MYO3B: variants seen among roughly 807,000 people sequenced by gnomAD.
MYO3B encodes the protein myosin-IIIb.
Under a neutral mutation model 174.6 loss-of-function variants are expected in MYO3B, and 156 were observed. The ratio of observed to expected loss-of-function variants is 0.89; its 90% CI spans 0.78 to 1.02. MYO3B has a LOEUF of 1.02. Among genes scored for constraint, MYO3B ranks in the 50% least tolerant of loss-of-function variants. MYO3B has a pLI of 0.00. For missense variants in MYO3B, 1,632 were observed against 1,639.4 expected (o/e 1.00, Z 0.08); for synonymous variants, 563 against 569.1 (o/e 0.99, Z 0.15).
chr2:170,273,021 G>A lies in MYO3B; in HGVS notation c.749+36885G>A, dbSNP rs2093436480. 3.3e-5 allele frequency among the ~76,000 whole-genome samples: 5 copies of A among 152,080 alleles called. No homozygotes were observed. In the South Asian group the frequency reaches 8.3e-4, roughly 25 times the overall value. The stretch of plus-strand genomic sequence containing the variant: ...ATTGCTCTTTCTCCTTTTTCTTTTA[G>A]ATGGGTTGGGGTGGGGTAGTGTATA... On this transcript the variant is annotated intron_variant, in intron 7 of 34. Transcript: ENST00000408978.
intron 8 of MYO3B, among the ~76,000 whole-genome samples, chr2:170,367,772 T>C (rs1366282691): frequency 6.6e-6 from 1 of 152,208 alleles, no homozygotes; most frequent in East Asian, 1.9e-4. Context: ...TTAAAGCATA[T>C]GCACTGATTT....
At chr2:170,311,272 T>C (rs1559378213) in intron 7 of MYO3B, among the ~76,000 whole-genome samples, 1 of 152,152 alleles carries the variant, frequency 6.6e-6, no homozygotes, top group Non-Finnish European at 1.5e-5. Context: ...CCACATTTGC[T>C]CCAACACTTT....
At chr2:170,358,342 G>A (rs1474843945) in intron 8 of MYO3B, among the ~76,000 whole-genome samples, 1 of 152,036 alleles carries the variant, frequency 6.6e-6, no homozygotes, top group Non-Finnish European at 1.5e-5. Flanking sequence ...AGTCACAAAA[G>A]ACCATACATA....
chr2:170,217,359 C>CACAT lies in MYO3B; in HGVS notation c.568_571dup (p.Ser191TyrfsTer12). 6.2e-7 allele frequency: 1 copy of CACAT among 1,614,138 alleles called. No homozygotes were observed. Among genetic ancestry groups the CACAT allele is most frequent in the Non-Finnish European group, 8.5e-7 (1 of 1,179,964 alleles). ...TCACCAGTACACGTCTGCGGAGAAA[C>CACAT]ACATCTGTTGGCACCCCGTTCTGGA... On this transcript the variant is annotated frameshift_variant, in exon 6 of 35. Coordinates refer to ENST00000408978, the MANE Select transcript of MYO3B (RefSeq NM_138995.5). LOFTEE classifies it high-confidence loss of function.
chr2:170,549,974 A>G (rs1231362299), intron 32 of MYO3B, among the ~76,000 whole-genome samples: 1 of 152,152 alleles, frequency 6.6e-6, no homozygotes, highest in African/African-American at 2.4e-5. Flanking sequence ...AGGCCGCATA[A>G]TCTCCCTCAG....
intron 1 of MYO3B, among the ~76,000 whole-genome samples, chr2:170,189,159 A>C (rs2092508115): frequency 6.6e-6 from 1 of 152,014 alleles, no homozygotes; most frequent in Non-Finnish European, 1.5e-5. Flanking sequence ...CAGCAATTTA[A>C]ATATGCCGTG....
intron 7 of MYO3B, among the ~76,000 whole-genome samples, chr2:170,335,178 G>A (rs2093938633): frequency 6.6e-6 from 1 of 152,076 alleles, no homozygotes; most frequent in Admixed American, 6.6e-5. Flanking sequence ...AGAAGGCCAG[G>A]GACATAGTAG....
At chr2:170,610,008 T>C (rs1695036875) in intron 32 of MYO3B, among the ~76,000 whole-genome samples, 1 of 152,200 alleles carries the variant, frequency 6.6e-6, no homozygotes, top group Admixed American at 6.5e-5. Context: ...GTAGAGATGT[T>C]AGACAGGTCA....
intron 1 of MYO3B, among the ~76,000 whole-genome samples, chr2:170,196,345 C>T (rs1405108064): frequency 1.3e-5 from 2 of 152,134 alleles, no homozygotes; most frequent in Non-Finnish European, 2.9e-5. Flanking sequence ...TGTCTTTACT[C>T]TCCACCCCAC....
intron 30 of MYO3B, among the ~76,000 whole-genome samples, chr2:170,539,292 C>T (rs758187040): frequency 1.2e-4 from 19 of 152,272 alleles, no homozygotes; most frequent in Non-Finnish European, 2.4e-4. Flanking sequence ...CTATGCTTTG[C>T]GTAGACTGTA....
At chr2:170,454,131 A>G (rs1454716896) in intron 23 of MYO3B, among the ~76,000 whole-genome samples, 2 of 152,242 alleles carry the variant, frequency 1.3e-5, no homozygotes, top group African/African-American at 4.8e-5. Context: ...TCCCTTGCCA[A>G]GAATTCCAAG....
intron 32 of MYO3B, among the ~76,000 whole-genome samples, chr2:170,565,200 A>C (rs988640432): frequency 6.6e-6 from 1 of 152,220 alleles, no homozygotes; most frequent in African/African-American, 2.4e-5. Flanking sequence ...CAAGAATACA[A>C]GGAAATGAGC....
Position 170,383,790 on chromosome 2 carries a change from C to G in MYO3B, c.1266C>G (p.Cys422Trp). Residue 422 changes from cysteine to tryptophan, a missense_variant, in exon 12 of 35, where the codon TGC becomes TGG. Cys to Trp is a radical substitution (Grantham distance 215). Coordinates refer to ENST00000408978, the MANE Select transcript of MYO3B (RefSeq NM_138995.5). Reference sequence around the variant, plus strand: ...CATCAGCAGATGCTGCTTACCAGTGCATGGTTACTCTCAGCAAAGACCAGG... The same window carrying G: ...CATCAGCAGATGCTGCTTACCAGTGGATGGTTACTCTCAGCAAAGACCAGG... ...IFASADAAYQ[C>W]MVTLSKDQCI... is the part of the protein sequence containing the mutation. 1 of 1,613,530 alleles carries G rather than the reference C, an allele frequency of 6.2e-7. No individual in the cohort carries two copies.
At chr2:170,479,104 T>C (rs376213134) in intron 25 of MYO3B, among the ~76,000 whole-genome samples, 6 of 150,030 alleles carry the variant, frequency 4.0e-5, no homozygotes, top group Admixed American at 2.0e-4. Flanking sequence ...GCCAACATGG[T>C]AAAACCCTGT....
chr2:170,571,329 C>G (rs1192024584), intron 32 of MYO3B, among the ~76,000 whole-genome samples: 1 of 152,106 alleles, frequency 6.6e-6, no homozygotes, highest in Non-Finnish European at 1.5e-5. Context: ...TAACATGGAC[C>G]TAGAAGTCAG....
At chr2:170,448,893 A>G (rs1051736544) in intron 23 of MYO3B, among the ~76,000 whole-genome samples, 1 of 152,120 alleles carries the variant, frequency 6.6e-6, no homozygotes, top group Non-Finnish European at 1.5e-5. Context: ...TTTTAGCCCT[A>G]TTATGCTTGG....
chr2:170,497,489 G>A (rs969036134), intron 25 of MYO3B, among the ~76,000 whole-genome samples: 9 of 152,036 alleles, frequency 5.9e-5, no homozygotes, highest in Non-Finnish European at 8.8e-5. Flanking sequence ...AGTGGCGGGC[G>A]CCTGTAGTCC....
At chr2:170,311,698 G>T (rs960795392) in intron 7 of MYO3B, among the ~76,000 whole-genome samples, 2 of 151,902 alleles carry the variant, frequency 1.3e-5, no homozygotes, top group Non-Finnish European at 2.9e-5. Context: ...AGGTCATGAA[G>T]ATTTACCTCT....
intron 30 of MYO3B, among the ~76,000 whole-genome samples, chr2:170,528,632 T>A (rs1689148748): frequency 6.6e-6 from 1 of 152,116 alleles, no homozygotes; most frequent in Non-Finnish European, 1.5e-5. Flanking sequence ...TCTCAATCTC[T>A]TGACCTCAAG....
Sources: gnomAD v4.1 joint callset for allele counts (sites outside exome capture counted in the v4.1 genomes callset) on GRCh38, gnomAD v4.1.1 for gene constraint, MANE v1.5 for transcripts, NCBI Gene and HGNC (gene_info 2026-07-23, HGNC 2026-07-21) for gene names.